PTPN4: variants seen among roughly 807,000 people sequenced by gnomAD.
The protein encoded by PTPN4 is tyrosine-protein phosphatase non-receptor type 4.
In PTPN4, 49 loss-of-function variants were observed where a neutral mutation model predicts 135.5. That is an observed-to-expected ratio of 0.36 (90% CI 0.29 to 0.46). The LOEUF is 0.46. Ranked by LOEUF, PTPN4 falls within the 20% of genes least tolerant of loss-of-function variation. PTPN4 has a pLI of 1.00. For missense variants in PTPN4, 860 were observed against 1,101.0 expected, an observed-to-expected ratio of 0.78 and a Z score of 3.10; for synonymous variants, 333 against 369.9, an observed-to-expected ratio of 0.90 and a Z score of 1.14.
intron 15 of PTPN4, among the ~76,000 whole-genome samples, chr2:119,942,496 T>C (rs1679075777): frequency 2.0e-5 from 3 of 152,324 alleles, no homozygotes; most frequent in Admixed American, 2.0e-4. Context: ...CTTACTCCCT[T>C]TCCCACAGGC....
intron 13 of PTPN4, among the ~76,000 whole-genome samples, chr2:119,931,363 T>A (rs1337850662): frequency 6.6e-6 from 1 of 151,898 alleles, no homozygotes; most frequent in Admixed American, 6.6e-5. Context: ...TCTAAGGGTT[T>A]ATGATCTCTG....
intron 1 of PTPN4, among the ~76,000 whole-genome samples, chr2:119,770,527 T>C (rs1690714295): frequency 6.6e-6 from 1 of 152,210 alleles, no homozygotes; most frequent in African/African-American, 2.4e-5. Context: ...TTTATGCAAA[T>C]AGAAACACAT....
chr2:119,825,225 CT>C (rs1026239896), intron 2 of PTPN4, among the ~76,000 whole-genome samples: 2 of 151,854 alleles, frequency 1.3e-5, no homozygotes, highest in African/African-American at 4.8e-5. Context: ...GTAGAAACAG[CT>C]TTTTTTTATA....
At chr2:119,914,866 C>G (rs918173369) in intron 10 of PTPN4, among the ~76,000 whole-genome samples, 3 of 152,052 alleles carry the variant, frequency 2.0e-5, no homozygotes, top group African/African-American at 7.2e-5. Flanking sequence ...GTAATGAAAT[C>G]TTACATTTTT....
chr2:119,966,424 T>C (rs1271694588), intron 25 of PTPN4, among the ~76,000 whole-genome samples: 1 of 152,072 alleles, frequency 6.6e-6, no homozygotes. Flanking sequence ...GCCTGGCTAA[T>C]TTTTGTATTT....
intron 13 of PTPN4, among the ~76,000 whole-genome samples, chr2:119,928,206 C>T (rs1307674375): frequency 6.6e-6 from 1 of 152,056 alleles, no homozygotes; most frequent in African/African-American, 2.4e-5. Flanking sequence ...TTTATAATGG[C>T]AATAAATCTT....
chr2:119,820,592 G>T (rs116280922), intron 2 of PTPN4, among the ~76,000 whole-genome samples: 151 of 152,268 alleles, frequency 9.9e-4, no homozygotes, highest in African/African-American at 3.5e-3. Context: ...GTTGATGGAT[G>T]TGCTCTGCTG....
At chr2:119,909,260 G>T (rs1415026068) in intron 10 of PTPN4, among the ~76,000 whole-genome samples, 1 of 152,128 alleles carries the variant, frequency 6.6e-6, no homozygotes, top group Non-Finnish European at 1.5e-5. Context: ...TGTTTCAAAG[G>T]ACTGACTGAC....
rs867294041 is a variant in PTPN4 at position 119,786,737 on chromosome 2, C to T, written c.-17-23100C>T. Among the ~76,000 whole-genome samples the T allele has an allele frequency of 6.6e-5, 10 of 152,204 alleles. No homozygotes were observed. In the South Asian group the frequency reaches 8.3e-4, roughly 13 times the overall value. ...TATTCACTGAGGCAGCTACTAAGGT[C>T]TACCCACATTAATGGTGGAAGGGAC... On this transcript the variant is annotated intron_variant, in intron 1 of 26. Transcript: ENST00000263708.
intron 2 of PTPN4, among the ~76,000 whole-genome samples, chr2:119,836,977 T>C (rs1677304306): frequency 6.6e-6 from 1 of 152,152 alleles, no homozygotes; most frequent in Non-Finnish European, 1.5e-5. Flanking sequence ...GACGAAATGA[T>C]TGATGGCGGC....
intron 24 of PTPN4, among the ~76,000 whole-genome samples, chr2:119,964,358 A>G (rs935284156): frequency 1.3e-5 from 2 of 152,212 alleles, no homozygotes; most frequent in African/African-American, 4.8e-5. Context: ...TCTAAACGCA[A>G]TACTCTTACT....
At chr2:119,873,446 A>G (rs1397291727) in intron 3 of PTPN4, among the ~76,000 whole-genome samples, 1 of 152,304 alleles carries the variant, frequency 6.6e-6, no homozygotes, top group Middle Eastern at 3.4e-3. Flanking sequence ...GTTTTGGCAG[A>G]TACAAAAATT....
At chr2:119,873,881 C>T (rs1469381225) in intron 3 of PTPN4, among the ~76,000 whole-genome samples, 2 of 151,992 alleles carry the variant, frequency 1.3e-5, no homozygotes, top group African/African-American at 2.4e-5. Context: ...TATATAAGAA[C>T]AAAATTAAGG....
At chr2:119,767,890 C>G (rs1030376838) in intron 1 of PTPN4, among the ~76,000 whole-genome samples, 3 of 152,138 alleles carry the variant, frequency 2.0e-5, no homozygotes, top group African/African-American at 4.8e-5. Flanking sequence ...GTGAAGTTAT[C>G]GTTTTTTTCC....
Position 119,777,605 on chromosome 2 carries a change from C to T in PTPN4, c.-18+17221C>T, listed in dbSNP as rs373682504. On this transcript the variant is annotated intron_variant, in intron 1 of 26. Coordinates refer to ENST00000263708, the MANE Select transcript of PTPN4 (RefSeq NM_002830.4). ...TTGCCTAACACATGGACACTTGATTCGAGCCTTTAGTTATAAATATTCTGC... is the reference window on the plus strand; with the variant it reads ...TTGCCTAACACATGGACACTTGATTTGAGCCTTTAGTTATAAATATTCTGC... Among the ~76,000 whole-genome samples the T allele has an allele frequency of 2.0e-5, 3 of 152,182 alleles. No individual in the cohort carries two copies. In the East Asian group the frequency reaches 5.8e-4, roughly 29 times the overall value.
chr2:119,800,427 A>C (rs1691341003), intron 1 of PTPN4, among the ~76,000 whole-genome samples: 2 of 150,834 alleles, frequency 1.3e-5, no homozygotes, highest in African/African-American at 4.9e-5. Flanking sequence ...CCCATTTTCT[A>C]ATGGGATTAT....
rs574029831 is a variant in PTPN4, at chr2:119,810,926, T to C, written c.138+935T>C. ...ATTTAACTTTATGAAAATAATAATA[T>C]ATGCAGTCTGTATTCAAACTGGAAT... On this transcript the variant is annotated intron_variant, in intron 2 of 26. Coordinates refer to ENST00000263708, the MANE Select transcript of PTPN4 (RefSeq NM_002830.4). 5.9e-5 allele frequency among the ~76,000 whole-genome samples: 9 copies of C among 152,316 alleles called. No individual in the cohort carries two copies. The South Asian group carries it at 1.7e-3, about 28-fold the overall frequency.
intron 12 of PTPN4, among the ~76,000 whole-genome samples, chr2:119,922,246 G>T (rs973906480): frequency 7.0e-6 from 1 of 143,268 alleles, no homozygotes; most frequent in Non-Finnish European, 1.5e-5. Context: ...AAAAAGATCG[G>T]CCGGGAAGGG....
chr2:119,832,982 T>C (rs1677240382), intron 2 of PTPN4, among the ~76,000 whole-genome samples: 1 of 152,186 alleles, frequency 6.6e-6, no homozygotes, highest in African/African-American at 2.4e-5. Flanking sequence ...ATAAAAGCTT[T>C]CAATGTCAGA....
Sources: allele counts gnomAD v4.1 joint callset (sites outside exome capture counted in the v4.1 genomes callset), GRCh38; gene constraint gnomAD v4.1.1; transcripts MANE v1.5; gene names NCBI Gene and HGNC (gene_info 2026-07-23, HGNC 2026-07-21).